Variants in CHKA observed in about 807,000 individuals in gnomAD.
CHKA encodes the protein CHETK-alpha.
Under a neutral mutation model 60.1 loss-of-function variants are expected in CHKA, and 34 were observed. The ratio of observed to expected loss-of-function variants is 0.57; its 90% confidence interval spans 0.43 to 0.75. CHKA has a LOEUF of 0.75. Ranked by LOEUF, CHKA falls within the 30% of genes least tolerant of loss-of-function variation. The probability of loss-of-function intolerance (pLI) is 0.00; values close to 1 mark genes in which losing one functional copy is unlikely to be tolerated. For missense variants in CHKA, 563 were observed against 561.3 expected, an observed-to-expected ratio of 1.00 and a Z score of -0.03; for synonymous variants, 217 against 223.1, an observed-to-expected ratio of 0.97 and a Z score of 0.24.
intron 11 of CHKA, chr11:68,061,699 G>A (rs1384177694): frequency 1.8e-6 from 1 of 548,210 alleles, no homozygotes; most frequent in East Asian, 4.1e-5. Context: ...AAGCAGGGGA[G>A]GCAAGGTCAG....
intron 3 of CHKA, among the ~76,000 whole-genome samples, chr11:68,077,713 G>A (rs1856839661): frequency 6.6e-6 from 1 of 152,152 alleles, no homozygotes; most frequent in Admixed American, 6.5e-5. Context: ...GAAATGGACA[G>A]TAAGCAAGTA....
At chr11:68,063,595 T>G (rs1397054330) in intron 10 of CHKA, among the ~76,000 whole-genome samples, 1 of 152,150 alleles carries the variant, frequency 6.6e-6, no homozygotes, top group Admixed American at 6.5e-5. Flanking sequence ...GTCCTGACCC[T>G]TCTTGGACAT....
chr11:68,103,635 G>A (rs1381191178), intron 1 of CHKA, among the ~76,000 whole-genome samples: 1 of 152,028 alleles, frequency 6.6e-6, no homozygotes, highest in African/African-American at 2.4e-5. Flanking sequence ...ATCCAGGCTT[G>A]GTGCAGTGGC....
At chr11:68,108,274 C>G (rs945195352) in intron 1 of CHKA, among the ~76,000 whole-genome samples, 2 of 151,948 alleles carry the variant, frequency 1.3e-5, no homozygotes, top group Non-Finnish European at 2.9e-5. Context: ...AGCTATGATC[C>G]CACAAATGCA....
chr11:68,112,605 A>G (rs1440656346), intron 1 of CHKA, among the ~76,000 whole-genome samples: 1 of 152,234 alleles, frequency 6.6e-6, no homozygotes, highest in Non-Finnish European at 1.5e-5. Flanking sequence ...CATGAAAGAA[A>G]TAATTGATAG....
chr11:68,084,919 A>G (rs1376529628), intron 2 of CHKA, among the ~76,000 whole-genome samples: 1 of 152,160 alleles, frequency 6.6e-6, no homozygotes, highest in Non-Finnish European at 1.5e-5. Flanking sequence ...AAAAATAAAC[A>G]TTGAAATTTC....
At chr11:68,055,086 TGGG>T (rs1013029896) in intron 11 of CHKA, among the ~76,000 whole-genome samples, 1 of 152,162 alleles carries the variant, frequency 6.6e-6, no homozygotes, top group Admixed American at 6.5e-5. Context: ...GCTTCCAGTT[TGGG>T]ACGATTATAA....
intron 2 of CHKA, among the ~76,000 whole-genome samples, chr11:68,085,419 CTA>C (rs901426432): frequency 4.6e-5 from 7 of 151,636 alleles, no homozygotes; most frequent in Non-Finnish European, 8.8e-5. Flanking sequence ...CAAGATCTCA[CTA>C]TGTTACCCAG....
chr11:68,072,315 C>T (rs949014539), intron 4 of CHKA, among the ~76,000 whole-genome samples: 56 of 151,984 alleles, frequency 3.7e-4, no homozygotes, highest in Admixed American at 1.6e-3. Context: ...GAGGCCAAGG[C>T]GGGAGGACTG....
chr11:68,098,271 C>CAAAAAAAAAAAAAA (rs57972693), intron 1 of CHKA, among the ~76,000 whole-genome samples: 3 of 120,726 alleles, frequency 2.5e-5, no homozygotes, highest in Non-Finnish European at 5.1e-5. Context: ...ACTCCTATCT[C>CAAAAAAAAAAAAAA]AAAAAAAAAA....
chr11:68,056,894 G>C (rs1402833954), intron 11 of CHKA, among the ~76,000 whole-genome samples: 5 of 152,154 alleles, frequency 3.3e-5, no homozygotes, highest in Admixed American at 1.3e-4. Context: ...CCTGAGTTCT[G>C]TGAGCTGCTC....
Position 68,097,406 on chromosome 11 carries a change from G to A in CHKA, c.351-276C>T, listed in dbSNP as rs192686703. ...TCCCAGCACTTTGGGAGGCCGAGGCGGGTGGATCACAAGGTCAAGGAATCT... is the reference window on the plus strand; with the variant it reads ...TCCCAGCACTTTGGGAGGCCGAGGCAGGTGGATCACAAGGTCAAGGAATCT... On this transcript the variant is annotated intron_variant, in intron 1 of 11. Transcript: ENST00000265689. 4.4e-4 allele frequency among the ~76,000 whole-genome samples: 67 copies of A among 151,956 alleles called. No homozygotes were observed. The East Asian group carries it at 8.5e-3, about 19-fold the overall frequency.
intron 1 of CHKA, among the ~76,000 whole-genome samples, chr11:68,108,915 T>G (rs898444744): frequency 6.6e-6 from 1 of 151,960 alleles, no homozygotes. Context: ...TGTGGACAAC[T>G]GTGAGAGTTT....
At chr11:68,119,142 C>G (rs557871869) in intron 1 of CHKA, among the ~76,000 whole-genome samples, 6 of 152,282 alleles carry the variant, frequency 3.9e-5, no homozygotes, top group East Asian at 1.9e-4. Flanking sequence ...TTGGAGAGAG[C>G]TGAATTTTTT....
At chr11:68,082,281 T>C (rs1049564582) in intron 2 of CHKA, among the ~76,000 whole-genome samples, 14 of 152,084 alleles carry the variant, frequency 9.2e-5, no homozygotes, top group Non-Finnish European at 2.1e-4. Flanking sequence ...TTTAAAATCC[T>C]TCGTACTATC....
intron 2 of CHKA, among the ~76,000 whole-genome samples, chr11:68,092,688 C>T (rs575103031): frequency 1.4e-4 from 22 of 152,244 alleles, no homozygotes; most frequent in Admixed American, 3.9e-4. Context: ...TCTCCAATGG[C>T]CATTAATATC....
At chr11:68,072,550 T>TAA (rs10708078) in intron 4 of CHKA, among the ~76,000 whole-genome samples, 229 of 112,720 alleles carry the variant, frequency 2.0e-3, no homozygotes, top group African/African-American at 6.9e-3. Context: ...GACCCTATCT[T>TAA]AAAAAAAAAA....
rs749687731 is a variant in CHKA at position 68,055,716 on chromosome 11, TTTCTC to T, written c.1315-1674_1315-1670del. Among the ~76,000 whole-genome samples the T allele has an allele frequency of 1.4e-4, 21 of 152,198 alleles. 1 individual carries two copies. The East Asian group carries it at 3.1e-3, about 22-fold the overall frequency. The stretch of plus-strand genomic sequence containing the variant: ...TGAAAAGATTCTTACTGGCCATGTG[TTTCTC>T]TTAAGTGTCCAAATCTTCCATCCAT... On this transcript the variant is annotated intron_variant, in intron 11 of 11. Transcript: ENST00000265689.
intron 3 of CHKA, among the ~76,000 whole-genome samples, chr11:68,079,474 C>T (rs1023177528): frequency 3.3e-5 from 5 of 152,216 alleles, no homozygotes; most frequent in Middle Eastern, 3.4e-3. Context: ...GGACTACAGG[C>T]GCCCGCCACC....
Sources: allele counts gnomAD v4.1 joint callset (sites outside exome capture counted in the v4.1 genomes callset), GRCh38; gene constraint gnomAD v4.1.1; transcripts MANE v1.5; gene names NCBI Gene and HGNC (gene_info 2026-07-23, HGNC 2026-07-21).